Variants in ACO1 observed in about 807,000 individuals in gnomAD.
The protein encoded by ACO1 is cytoplasmic aconitate hydratase.
In ACO1, 78 loss-of-function variants were observed where a neutral mutation model predicts 105.1. That is an observed-to-expected ratio of 0.74 (90% CI 0.62 to 0.90). ACO1 has a LOEUF of 0.90. Ranked by LOEUF, ACO1 falls within the 40% of genes least tolerant of loss-of-function variation. The pLI is 0.00. For synonymous variants in ACO1, 364 were observed against 397.4 expected (o/e 0.92, Z 1.00); for missense variants, 965 against 1,111.1 (o/e 0.87, Z 1.87).
rs1264841635 is a variant in ACO1 at position 32,439,499 on chromosome 9, T to C, written c.2248-966T>C. On this transcript the variant is annotated intron_variant, in intron 18 of 20. Transcript: ENST00000309951. This position sits in a 1 kb window ranked among gnomAD's most constrained non-coding sequence, Gnocchi z 4.0. ...TGACTTACATAGCCTGGAAAAATAA[T>C]GGTACTGCTCAACCACCAGAGATGA... Among the ~76,000 whole-genome samples the C allele has an allele frequency of 1.3e-5, 2 of 152,246 alleles. No homozygotes were observed. Among genetic ancestry groups the C allele is most frequent in the Admixed American group, 6.5e-5 (1 of 15,290 alleles).
chr9:32,430,695 G>A, intron 14 of ACO1, 121 bp downstream of exon 14: 1 of 1,116,942 alleles, frequency 9.0e-7, no homozygotes, highest in Non-Finnish European at 1.2e-6. Context: ...ACAAAGAAGA[G>A]AATAATTTCT....
intron 1 of ACO1, among the ~76,000 whole-genome samples, chr9:32,391,955 C>G (rs1821276107): frequency 6.6e-6 from 1 of 151,908 alleles, no homozygotes; most frequent in South Asian, 2.1e-4. Context: ...TTTCATAAAC[C>G]CTTATTTTCT....
chr9:32,436,121 C>T (rs1393328195), intron 17 of ACO1, 129 bp from the exon 18 acceptor site: 1 of 1,262,192 alleles, frequency 7.9e-7, no homozygotes, highest in Non-Finnish European at 1.1e-6. Context: ...GAGAACAATG[C>T]TTAGGAGACT....
intron 4 of ACO1, among the ~76,000 whole-genome samples, chr9:32,416,304 A>C (rs563767459): frequency 1.3e-5 from 2 of 152,136 alleles, no homozygotes; most frequent in South Asian, 4.2e-4. Flanking sequence ...CATGTTGGCC[A>C]GTCTGGTCTT....
chr9:32,385,027 C>CTA (rs1821127235), intron 1 of ACO1, among the ~76,000 whole-genome samples: 1 of 152,222 alleles, frequency 6.6e-6, no homozygotes, highest in Admixed American at 6.5e-5. Flanking sequence ...AAGTCCTTGC[C>CTA]TAGGGTGTGC....
intron 1 of ACO1, among the ~76,000 whole-genome samples, chr9:32,386,737 G>T (rs1382246556): frequency 2.0e-5 from 3 of 151,778 alleles, no homozygotes; most frequent in African/African-American, 7.2e-5. Context: ...CACCTGCTGT[G>T]TTCTTTGTAT....
chr9:32,437,831 G>T (rs1822397146), intron 18 of ACO1, among the ~76,000 whole-genome samples: 1 of 152,052 alleles, frequency 6.6e-6, no homozygotes, highest in African/African-American at 2.4e-5. Flanking sequence ...CAAAGGAGAA[G>T]GTGATTAGTT....
At chr9:32,402,901 A>C (rs1010071954) in intron 1 of ACO1, among the ~76,000 whole-genome samples, 1 of 152,206 alleles carries the variant, frequency 6.6e-6, no homozygotes, top group African/African-American at 2.4e-5. Context: ...TTGGTTGCTG[A>C]AATGCAGCTG....
intron 13 of ACO1, 141 bp downstream of exon 13, chr9:32,429,644 A>G: frequency 1.3e-6 from 1 of 741,664 alleles, no homozygotes; most frequent in Non-Finnish European, 2.2e-6. Context: ...AGTTAAAATT[A>G]CTAGCTGGGT....
At chr9:32,426,125 T>C (rs1283420731) in intron 11 of ACO1, 128 bp downstream of exon 11, 11 of 931,348 alleles carry the variant, frequency 1.2e-5, no homozygotes, top group African/African-American at 1.6e-5. Flanking sequence ...CAGATACAGA[T>C]ATTTATTGGC....
rs764953534 is a variant in ACO1, at chr9:32,436,284, C to T, written c.2134C>T (p.Arg712Cys). The change falls in exon 18 of 21, where the codon CGC (arginine) becomes TGC (cysteine). Residue 712 changes from arginine (R) to cysteine (C), a missense_variant. Physicochemically the swap from Arg to Cys is radical, Grantham distance 180. Transcript: ENST00000309951. Reference sequence around the variant, plus strand: ...ACGAGAATTCAACTCCTATGGCTCCCGCCGAGGTAATGACGCCGTCATGGC... The same window carrying T: ...ACGAGAATTCAACTCCTATGGCTCCTGCCGAGGTAATGACGCCGTCATGGC... The part of the protein sequence containing the change: ...TPREFNSYGS[R>C]RGNDAVMARG... 52 of 1,614,074 alleles carry T rather than the reference C, an allele frequency of 3.2e-5. 1 individual carries two copies. The highest frequency in any genetic ancestry group is 8.3e-5 in the Admixed American group (5 of 60,006).
In ACO1 at chr9:32,451,053, G is replaced by A. The variant is rs573793196; in HGVS notation, c.*942G>A. 1.3e-5 allele frequency: 2 copies of A among 149,574 alleles called. No homozygotes were observed. Among genetic ancestry groups the A allele is most frequent in the Non-Finnish European group, 3.0e-5 (2 of 67,712 alleles). The allele number at this position is 149,574 out of a possible 1,614,324, so 9.3% of individuals were successfully genotyped here. A position where few individuals can be genotyped will look rare whatever the true frequency, so the allele number is the denominator to read the frequency against. ...GCAGACAAGAAGGAAGAGTAGCCTGGTGGCAGTGGCAACGATATAAGTACA... is the reference window on the plus strand; with the variant it reads ...GCAGACAAGAAGGAAGAGTAGCCTGATGGCAGTGGCAACGATATAAGTACA... On this transcript the variant is annotated 3_prime_UTR_variant, in exon 21 of 21. Coordinates refer to ENST00000309951, the MANE Select transcript of ACO1 (RefSeq NM_002197.3).
chr9:32,393,157 G>A (rs184450353), intron 1 of ACO1, among the ~76,000 whole-genome samples: 11 of 152,316 alleles, frequency 7.2e-5, no homozygotes, highest in East Asian at 1.9e-4. Flanking sequence ...TCTGACTGCC[G>A]GTGAGCCGGG....
chr9:32,429,628 G>C, intron 13 of ACO1, 125 bp downstream of exon 13: 1 of 842,110 alleles, frequency 1.2e-6, no homozygotes, highest in Non-Finnish European at 1.8e-6. Flanking sequence ...ATGATCTTTT[G>C]AGTTTAGTTA....
intron 1 of ACO1, among the ~76,000 whole-genome samples, chr9:32,386,722 C>CT (rs1319451998): frequency 6.6e-6 from 1 of 152,196 alleles, no homozygotes; most frequent in Non-Finnish European, 1.5e-5. Flanking sequence ...GATCTAAACT[C>CT]TGAGCACCTG....
At chr9:32,409,199 A>C (rs796344691) in intron 4 of ACO1, among the ~76,000 whole-genome samples, 2 of 152,134 alleles carry the variant, frequency 1.3e-5, no homozygotes, top group African/African-American at 4.8e-5. Context: ...GGAATCCTTT[A>C]CTTTCCAGCC....
chr9:32,426,948 T>C (rs1295130271), intron 11 of ACO1, among the ~76,000 whole-genome samples: 2 of 150,312 alleles, frequency 1.3e-5, no homozygotes, highest in African/African-American at 2.5e-5. Context: ...TTCATCCAAA[T>C]AAAACATAAT....
chr9:32,426,016 A>G lies in ACO1; in HGVS notation c.1348+19A>G, dbSNP rs1237947975. ...GGGGCAGGTAAGTGCATTTGACTCC[A>G]TCCTCATGGTCATACATGTGTGTAG... On this transcript the variant is annotated intron_variant, in intron 11 of 20. Transcript: ENST00000309951. The G allele has an allele frequency of 6.2e-7, 1 of 1,612,184 alleles. No individual in the cohort carries two copies. Among genetic ancestry groups the G allele is most frequent in the East Asian group, 2.2e-5 (1 of 44,836 alleles).
At chr9:32,428,499 C>CT (rs869310053) in intron 12 of ACO1, among the ~76,000 whole-genome samples, 1,666 of 146,924 alleles carry the variant, frequency 0.011, 32 homozygotes, top group African/African-American at 0.038. Flanking sequence ...AACTGGTTTG[C>CT]TTTTTTTTTT....
Sources: gnomAD v4.1 joint callset for allele counts (sites outside exome capture counted in the v4.1 genomes callset) on GRCh38, gnomAD v4.1.1 for gene constraint, Gnocchi (gnomAD v3.1) non-coding constraint, MANE v1.5 for transcripts, NCBI Gene and HGNC (gene_info 2026-07-23, HGNC 2026-07-21) for gene names.